UQCRB: variants seen among roughly 807,000 people sequenced by gnomAD.
UQCRB encodes cytochrome b-c1 complex subunit 7.
A neutral mutation model predicts 19.8 loss-of-function variants in UQCRB; 12 were observed. The observed-to-expected ratio is 0.61, with a 90% CI of 0.39 to 0.98. The LOEUF is 0.98. Among genes scored for constraint, UQCRB ranks in the 50% least tolerant of loss-of-function variants. The pLI, the probability that UQCRB is intolerant of heterozygous loss-of-function variation, is 0.00. For missense variants in UQCRB, 142 were observed against 131.8 expected (o/e 1.08, Z -0.38); for synonymous variants, 39 against 42.9 (o/e 0.91, Z 0.35).
rs963210425 is a variant in UQCRB at position 96,223,701 on chromosome 8, A to G, written c.*7354T>C. Among the ~76,000 whole-genome samples the G allele has an allele frequency of 3.9e-5, 6 of 152,156 alleles. No homozygotes were observed. Among genetic ancestry groups the G allele is most frequent in the African/African-American group, 1.2e-4 (5 of 41,440 alleles). ...ATTGCAGGGGACTGAGAATAGAAGG[A>G]AAAAAGGTTAGAGGTAGAATTTTGC... On this transcript the variant is annotated 3_prime_UTR_variant, in exon 4 of 4. Transcript: ENST00000287022.
intron 1 of UQCRB, chr8:96,234,595 G>C: frequency 1.0e-6 from 1 of 957,658 alleles, no homozygotes; most frequent in Non-Finnish European, 1.5e-6. Flanking sequence ...AAAGCTCAAT[G>C]TCAATTAGGT....
Position 96,227,728 on chromosome 8 carries a change from C to T in UQCRB, c.*3327G>A, listed in dbSNP as rs1809557414. ...AGGATTATTACTTTGGGCTTTGGCC[C>T]AGTTTTTATTCTTACTGCTGAATCT... On this transcript the variant is annotated 3_prime_UTR_variant, in exon 4 of 4. Coordinates refer to ENST00000287022, the MANE Select transcript of UQCRB (RefSeq NM_006294.5). 1 of 453,564 alleles carries T rather than the reference C, an allele frequency of 2.2e-6. No homozygotes were observed. Among genetic ancestry groups the T allele is most frequent in the Admixed American group, 2.4e-5 (1 of 42,468 alleles). The allele number at this position is 453,564 out of a possible 1,614,324, so 28.1% of individuals were successfully genotyped here.
Position 96,229,202 on chromosome 8 carries a change from T to TA in UQCRB, c.*1852dup. 1 of 454,150 alleles carries TA rather than the reference T, an allele frequency of 2.2e-6. No individual in the cohort carries two copies. The allele number at this position is 454,150 out of a possible 1,614,324, so 28.1% of individuals were successfully genotyped here. Reference sequence around the variant, plus strand: ...ACACTTTGGCTTTAGGAAGAACTCTTACAAAATCAGAGGTTGCCTTATGTA... The same window carrying TA: ...ACACTTTGGCTTTAGGAAGAACTCTTAACAAAATCAGAGGTTGCCTTATGTA... On this transcript the variant is annotated 3_prime_UTR_variant, in exon 4 of 4. Transcript: ENST00000287022.
rs981982463 is a variant in UQCRB, at chr8:96,224,990, T to C, written c.*6065A>G. 6.6e-6 allele frequency among the ~76,000 whole-genome samples: 1 copy of C among 152,042 alleles called. No individual in the cohort carries two copies. The highest frequency in any genetic ancestry group is 1.5e-5 in the Non-Finnish European group (1 of 68,014). On this transcript the variant is annotated 3_prime_UTR_variant, in exon 4 of 4. Coordinates refer to ENST00000287022, the MANE Select transcript of UQCRB (RefSeq NM_006294.5). Reference sequence around the variant, plus strand: ...AAAACCTCAAATAAAATTCAAACGATGAAATAAAAATATCATTTCAGCAAA... The same window carrying C: ...AAAACCTCAAATAAAATTCAAACGACGAAATAAAAATATCATTTCAGCAAA...
chr8:96,231,181 C>A, intron 3 of UQCRB, 49 bp from the exon 4 acceptor site: 1 of 1,614,044 alleles, frequency 6.2e-7, no homozygotes, highest in Non-Finnish European at 8.5e-7. Flanking sequence ...ACTGATATAT[C>A]CCAAACACTC....
rs1296247945 is a variant in UQCRB, at chr8:96,224,985, A to G, written c.*6070T>C. Among the ~76,000 whole-genome samples the G allele has an allele frequency of 6.6e-6, 1 of 152,214 alleles. No homozygotes were observed. The highest frequency in any genetic ancestry group is 6.5e-5 in the Admixed American group (1 of 15,286). ...TCCAAAAAACCTCAAATAAAATTCA[A>G]ACGATGAAATAAAAATATCATTTCA... On this transcript the variant is annotated 3_prime_UTR_variant, in exon 4 of 4. Transcript: ENST00000287022.
rs1809504952 is a variant in UQCRB, at chr8:96,225,097, AGAGG to A, written c.*5954_*5957del. Among the ~76,000 whole-genome samples the A allele has an allele frequency of 6.6e-6, 1 of 152,228 alleles. No homozygotes were observed. The highest frequency in any genetic ancestry group is 1.5e-5 in the Non-Finnish European group (1 of 68,036). ...ACTGACCCAGGTTTGGGAAGGGGGA[AGAGG>A]GAGCTAAGAGGAAAACTAAACAAAT... On this transcript the variant is annotated 3_prime_UTR_variant, in exon 4 of 4. Coordinates refer to ENST00000287022, the MANE Select transcript of UQCRB (RefSeq NM_006294.5).
At chr8:96,234,958 G>T in intron 1 of UQCRB, 1 of 215,980 alleles carries the variant, frequency 4.6e-6, no homozygotes. Flanking sequence ...AGCGTCGCTC[G>T]TATCCCTTGC....
At chr8:96,234,633 T>C in intron 1 of UQCRB, 1 of 589,520 alleles carries the variant, frequency 1.7e-6, no homozygotes, top group African/African-American at 1.9e-5. Context: ...AACCTGATGT[T>C]TCCTAACAGC....
chr8:96,234,601 T>A (rs891540997), intron 1 of UQCRB: 40 of 915,930 alleles, frequency 4.4e-5, no homozygotes, highest in Non-Finnish European at 5.9e-5. Context: ...CAATGTCAAT[T>A]AGGTTAACGG....
chr8:96,227,098 A>G lies in UQCRB; in HGVS notation c.*3957T>C. On this transcript the variant is annotated 3_prime_UTR_variant, in exon 4 of 4. Transcript: ENST00000287022. ...AAATATTTTAACATCTATAGACTTT[A>G]TTAGGTGTTCCTTATACAGTCATCT... 1 of 453,486 alleles carries G rather than the reference A, an allele frequency of 2.2e-6. No individual in the cohort carries two copies. 28.1% of individuals were successfully genotyped at this position (453,486 alleles called of 1,614,324 possible). A position where few individuals can be genotyped will look rare whatever the true frequency, so the allele number is the denominator to read the frequency against.
chr8:96,228,809 A>G lies in UQCRB; in HGVS notation c.*2246T>C, dbSNP rs759747970. The G allele has an allele frequency of 1.1e-5, 5 of 454,094 alleles. No individual in the cohort carries two copies. The highest frequency in any genetic ancestry group is 7.8e-5 in the South Asian group (5 of 64,480). The allele number at this position is 454,094 out of a possible 1,614,324, so 28.1% of individuals were successfully genotyped here. On this transcript the variant is annotated 3_prime_UTR_variant, in exon 4 of 4. Coordinates refer to ENST00000287022, the MANE Select transcript of UQCRB (RefSeq NM_006294.5). ...GCAGTCTAACCCAGAATTAGCTCTG[A>G]ATCACTCTACCATTCGGTCTACAGG...
Position 96,228,652 on chromosome 8 carries a change from A to T in UQCRB, c.*2403T>A. On this transcript the variant is annotated 3_prime_UTR_variant, in exon 4 of 4. Transcript: ENST00000287022. The stretch of plus-strand genomic sequence containing the variant: ...AACTGTTAGTGCTTGACATGCAGTC[A>T]GTTAATTTTCACAACTGGGTGAAGT... 2.2e-6 allele frequency: 1 copy of T among 454,138 alleles called. No individual in the cohort carries two copies. Among genetic ancestry groups the T allele is most frequent in the African/African-American group, 2.0e-5 (1 of 50,132 alleles). 28.1% of individuals were successfully genotyped at this position (454,138 alleles called of 1,614,324 possible).
intron 3 of UQCRB, 107 bp from the exon 4 acceptor site, chr8:96,231,239 A>G: frequency 6.2e-7 from 1 of 1,606,226 alleles, no homozygotes; most frequent in Non-Finnish European, 8.5e-7. Flanking sequence ...TGAATTTCCA[A>G]TTTTAGAAAA....
chr8:96,234,376 C>T, intron 1 of UQCRB: 1 of 554,926 alleles, frequency 1.8e-6, no homozygotes, highest in Non-Finnish European at 3.0e-6. Context: ...CCAACATTAG[C>T]TGATTTATTT....
intron 2 of UQCRB, 85 bp downstream of exon 2, chr8:96,233,070 GC>G: frequency 7.6e-7 from 1 of 1,313,304 alleles, no homozygotes; most frequent in South Asian, 1.2e-5. Context: ...AGTAACACTT[GC>G]AAAAGCAATA....
In UQCRB at chr8:96,229,790, T is replaced by A. The variant is rs1299687441; in HGVS notation, c.*1265A>T. 1 of 451,780 alleles carries A rather than the reference T, an allele frequency of 2.2e-6. No individual in the cohort carries two copies. The highest frequency in any genetic ancestry group is 4.4e-6 in the Non-Finnish European group (1 of 226,290). The allele number at this position is 451,780 out of a possible 1,614,324, so 28.0% of individuals were successfully genotyped here. On this transcript the variant is annotated 3_prime_UTR_variant, in exon 4 of 4. Transcript: ENST00000287022. Reference sequence around the variant, plus strand: ...GGAAAAAAAAAAGCGGGGGAGGGGGTTCCTAGAGAATTTAAGAGGCTAATA... The same window carrying A: ...GGAAAAAAAAAAGCGGGGGAGGGGGATCCTAGAGAATTTAAGAGGCTAATA...
At chr8:96,235,328 C>T in intron 1 of UQCRB, 184 bp downstream of exon 1, 2 of 895,196 alleles carry the variant, frequency 2.2e-6, no homozygotes, top group East Asian at 2.6e-5. Flanking sequence ...CCTATACAGG[C>T]AAGCCCGCCC....
In UQCRB at chr8:96,227,894, G is replaced by A; in HGVS notation, c.*3161C>T. 2.2e-6 allele frequency: 1 copy of A among 454,128 alleles called. No homozygotes were observed. The highest frequency in any genetic ancestry group is 1.6e-5 in the South Asian group (1 of 64,476). 28.1% of individuals were successfully genotyped at this position (454,128 alleles called of 1,614,324 possible). On this transcript the variant is annotated 3_prime_UTR_variant, in exon 4 of 4. Coordinates refer to ENST00000287022, the MANE Select transcript of UQCRB (RefSeq NM_006294.5). Reference sequence around the variant, plus strand: ...TTAAAAACAGGAAAAGGTGCCATTAGTAAAAACTCCATCACTAACATTTTG... The same window carrying A: ...TTAAAAACAGGAAAAGGTGCCATTAATAAAAACTCCATCACTAACATTTTG...
Sources: gnomAD v4.1 joint callset for allele counts (sites outside exome capture counted in the v4.1 genomes callset) on GRCh38, gnomAD v4.1.1 for gene constraint, MANE v1.5 for transcripts, NCBI Gene and HGNC (gene_info 2026-07-23, HGNC 2026-07-21) for gene names.